Variants in RFX7 observed in about 807,000 individuals in gnomAD.
RFX7 encodes regulatory factor X7, also known as DNA-binding protein RFX7.
A neutral mutation model predicts 111.8 loss-of-function variants in RFX7; 26 were observed. The observed-to-expected ratio is 0.23, with a 90% confidence interval of 0.17 to 0.32. The LOEUF is 0.32. Ranked by LOEUF, RFX7 falls within the 10% of genes least tolerant of loss-of-function variation. The probability of loss-of-function intolerance (pLI) is 1.00; values close to 1 mark genes in which losing one functional copy is unlikely to be tolerated. For missense variants in RFX7, 1,573 were observed against 1,772.9 expected (o/e 0.89, Z 2.02); for synonymous variants, 624 against 624.4 (o/e 1.00, Z 0.01).
intron 2 of RFX7, among the ~76,000 whole-genome samples, chr15:56,186,372 T>C (rs2043037900): frequency 6.6e-6 from 1 of 152,200 alleles, no homozygotes; most frequent in South Asian, 2.1e-4. Context: ...CTATGGGTCA[T>C]TTAGAAATTA....
intron 5 of RFX7, among the ~76,000 whole-genome samples, chr15:56,114,561 C>A (rs1274106695): frequency 6.6e-6 from 1 of 152,048 alleles, no homozygotes; most frequent in Admixed American, 6.6e-5. Context: ...TACTAGTAAG[C>A]TGATCTTAGA....
intron 3 of RFX7, among the ~76,000 whole-genome samples, chr15:56,175,977 G>A (rs1189286347): frequency 6.6e-6 from 1 of 152,112 alleles, no homozygotes; most frequent in African/African-American, 2.4e-5. Flanking sequence ...GTAACTATGA[G>A]AGTCTATTAT....
chr15:56,109,153 C>T (rs571804563), intron 5 of RFX7, among the ~76,000 whole-genome samples: 2 of 152,356 alleles, frequency 1.3e-5, no homozygotes, highest in African/African-American at 4.8e-5. Context: ...CTGCCTGATT[C>T]TCCTGCCTCA....
chr15:56,188,958 C>A (rs1001710510), intron 2 of RFX7, among the ~76,000 whole-genome samples: 1 of 152,130 alleles, frequency 6.6e-6, no homozygotes, highest in Non-Finnish European at 1.5e-5. Flanking sequence ...TCAGCCTCCC[C>A]AGTAGCTACG....
rs140857702 is a variant in RFX7, at chr15:56,137,488, T to G, written c.401+5290A>C. On this transcript the variant is annotated intron_variant, in intron 5 of 9. Coordinates refer to ENST00000559447, the MANE Select transcript of RFX7 (RefSeq NM_022841.7). ...CCCCTTTATCATTTTTTATTGCATC[T>G]ATTCGATTCTTCTCTCTTTTTTTCT... is the stretch of plus-strand genomic sequence containing the variant. Among the ~76,000 whole-genome samples the G allele has an allele frequency of 2.2e-3, 328 of 152,336 alleles. 1 individual carries two copies. Among genetic ancestry groups the G allele is most frequent in the African/African-American group, 5.6e-3 (234 of 41,574 alleles).
In RFX7 at chr15:56,243,607, G is replaced by C. The variant is rs1485530452; in HGVS notation, c.-165C>G. 28 of 404,090 alleles carry C rather than the reference G, an allele frequency of 6.9e-5. No homozygotes were observed. Among genetic ancestry groups the C allele is most frequent in the African/African-American group, 5.5e-4 (25 of 45,552 alleles). 25.0% of individuals were successfully genotyped at this position (404,090 alleles called of 1,614,324 possible). The stretch of plus-strand genomic sequence containing the variant: ...TCCTCCCGTCAGCGGCCGGGGCTGT[G>C]GGGGGGTGAGATGGGGGCGTTTGAA... On this transcript the variant is annotated 5_prime_UTR_variant, in exon 1 of 10. Transcript: ENST00000559447.
At chr15:56,122,881 C>G (rs1378899320) in intron 5 of RFX7, among the ~76,000 whole-genome samples, 1 of 152,124 alleles carries the variant, frequency 6.6e-6, no homozygotes, top group East Asian at 1.9e-4. Context: ...CTCCAGTCAG[C>G]CTGTGGTGAA....
At chr15:56,132,727 A>G (rs1183222630) in intron 5 of RFX7, among the ~76,000 whole-genome samples, 10 of 152,280 alleles carry the variant, frequency 6.6e-5, no homozygotes, top group Middle Eastern at 3.4e-3. Flanking sequence ...ACAAACAGCA[A>G]TCTTGAAAAA....
intron 2 of RFX7, among the ~76,000 whole-genome samples, chr15:56,208,296 C>T (rs975361829): frequency 1.3e-5 from 2 of 152,142 alleles, no homozygotes; most frequent in Non-Finnish European, 2.9e-5. Flanking sequence ...CAAAACCCAA[C>T]TCCAGACCAG....
rs2041540708 is a variant in RFX7 at position 56,087,433 on chromosome 15, C to T, written c.*5912G>A. 4.4e-6 allele frequency: 2 copies of T among 456,570 alleles called. No individual in the cohort carries two copies. The highest frequency in any genetic ancestry group is 2.3e-5 in the Admixed American group (1 of 42,560). The allele number at this position is 456,570 out of a possible 1,614,324, so 28.3% of individuals were successfully genotyped here. The stretch of plus-strand genomic sequence containing the variant: ...AATCATCCTCAGCATGTGTCTTTAA[C>T]ATGAAGTCCAGGAGGGCTGCTTGAG... On this transcript the variant is annotated 3_prime_UTR_variant, in exon 10 of 10. Coordinates refer to ENST00000559447, the MANE Select transcript of RFX7 (RefSeq NM_022841.7).
rs2041671340 is a variant in RFX7, at chr15:56,096,002, C to A, written c.1726G>T (p.Asp576Tyr). ...TTTGAAGGTTTCTGCAGTGCTCCGT[C>A]TGTATTACTTTTCTGCCCCAAAAGG... ...SALLGQKSNT[D>Y]GALQKPSNEG... Residue 576 changes from aspartate (D) to tyrosine (Y), a missense_variant, in exon 10 of 10, where the codon GAC becomes TAC. Asp to Tyr is a radical substitution (Grantham distance 160). Transcript: ENST00000559447. The A allele has an allele frequency of 6.2e-7, 1 of 1,612,634 alleles. No individual in the cohort carries two copies. Among genetic ancestry groups the A allele is most frequent in the Non-Finnish European group, 8.5e-7 (1 of 1,179,470 alleles).
At chr15:56,185,220 T>C (rs1374577052) in intron 2 of RFX7, among the ~76,000 whole-genome samples, 2 of 152,190 alleles carry the variant, frequency 1.3e-5, no homozygotes, top group African/African-American at 4.8e-5. Context: ...TCCATGTATA[T>C]GTATGTATTT....
chr15:56,127,869 A>G (rs2042165554), intron 5 of RFX7, among the ~76,000 whole-genome samples: 1 of 151,882 alleles, frequency 6.6e-6, no homozygotes, highest in Non-Finnish European at 1.5e-5. Flanking sequence ...AAACTAACAA[A>G]TGTTCAGCTA....
intron 2 of RFX7, among the ~76,000 whole-genome samples, chr15:56,237,094 G>T (rs1360382921): frequency 6.6e-6 from 1 of 152,084 alleles, no homozygotes; most frequent in African/African-American, 2.4e-5. Context: ...GTCTTTCATT[G>T]TGCTTTTGGT....
Position 56,093,626 on chromosome 15 carries a change from G to C in RFX7, c.4102C>G (p.Gln1368Glu), listed in dbSNP as rs1306505098. 1.2e-6 allele frequency: 2 copies of C among 1,613,640 alleles called. No individual in the cohort carries two copies. Among genetic ancestry groups the C allele is most frequent in the Non-Finnish European group, 1.7e-6 (2 of 1,179,826 alleles). ...SLQTNQQLVG[Q>E]GASDLTNTAS... ...GTATTAGTGAGATCAGATGCTCCCT[G>C]ACCTACCAGCTGCTGGTTGGTTTGC... The change falls in exon 10 of 10, where the codon CAG becomes GAG. Residue 1368 changes from glutamine to glutamate, a missense_variant. Gln to Glu is a conservative substitution (Grantham distance 29, BLOSUM62 2). This residue lies in a region of RFX7 where 411 missense variants were observed against 478.1 expected (regional missense o/e 0.86). Coordinates refer to ENST00000559447, the MANE Select transcript of RFX7 (RefSeq NM_022841.7).
At chr15:56,116,880 T>G (rs1351539834) in intron 5 of RFX7, among the ~76,000 whole-genome samples, 1 of 152,164 alleles carries the variant, frequency 6.6e-6, no homozygotes, top group Non-Finnish European at 1.5e-5. Flanking sequence ...TTGTACAAAC[T>G]GTACAAATAT....
intron 5 of RFX7, among the ~76,000 whole-genome samples, chr15:56,114,727 G>A (rs183604916): frequency 1.4e-4 from 22 of 151,988 alleles, no homozygotes; most frequent in Admixed American, 1.4e-3. Flanking sequence ...TATCATATAT[G>A]ACCCTCCTTA....
chr15:56,129,485 A>C (rs1469687942), intron 5 of RFX7, among the ~76,000 whole-genome samples: 1 of 152,176 alleles, frequency 6.6e-6, no homozygotes, highest in Non-Finnish European at 1.5e-5. Flanking sequence ...CTTTATTCTT[A>C]GGAGAAGTAT....
chr15:56,129,123 C>T (rs759450281), intron 5 of RFX7, among the ~76,000 whole-genome samples: 2 of 152,116 alleles, frequency 1.3e-5, no homozygotes, highest in African/African-American at 4.8e-5. Context: ...CGCCTGTAAT[C>T]CCAACACTTT....
Sources: allele counts gnomAD v4.1 joint callset (sites outside exome capture counted in the v4.1 genomes callset), GRCh38; gene constraint gnomAD v4.1.1; regional missense constraint gnomAD v4.1.1; transcripts MANE v1.5; gene names NCBI Gene and HGNC (gene_info 2026-07-23, HGNC 2026-07-21).